The following TRAM1 variants were observed in gnomAD, a reference collection of about 807,000 sequenced individuals.
TRAM1 encodes the protein translocating chain-associated membrane protein 1.
In TRAM1, 17 loss-of-function variants were observed where a neutral mutation model predicts 48.7. The observed-to-expected ratio is 0.35, with a 90% CI of 0.24 to 0.52. TRAM1 has a LOEUF of 0.52. Among genes scored for constraint, TRAM1 ranks in the 20% least tolerant of loss-of-function variants. The probability of loss-of-function intolerance (pLI) is 0.94; values close to 1 mark genes in which losing one functional copy is unlikely to be tolerated. For synonymous variants in TRAM1, 182 were observed against 154.0 expected, an observed-to-expected ratio of 1.18 and a Z score of -1.34; for missense variants, 351 against 441.5, an observed-to-expected ratio of 0.79 and a Z score of 1.84.
At chr8:70,583,899 G>A (rs1817141384) in intron 8 of TRAM1, 106 bp from the exon 9 acceptor site, 1 of 1,310,226 alleles carries the variant, frequency 7.6e-7, no homozygotes, top group South Asian at 1.7e-5. Context: ...TGTAATCCCA[G>A]CTACTTGGGA....
rs1195792863 is a variant in TRAM1, at chr8:70,574,285, T to A, written c.*647A>T. On this transcript the variant is annotated 3_prime_UTR_variant, in exon 11 of 11. Transcript: ENST00000262213. ...TTTACTTCACAAGTACTTTTAAGAA[T>A]ATACTTTGATTTAATATGTATGTTA... The A allele has an allele frequency of 1.5e-5, 6 of 398,500 alleles. No individual in the cohort carries two copies. Among genetic ancestry groups the A allele is most frequent in the Non-Finnish European group, 2.9e-5 (6 of 208,084 alleles). 24.7% of individuals were successfully genotyped at this position (398,500 alleles called of 1,614,324 possible). A position where few individuals can be genotyped will look rare whatever the true frequency, so the allele number is the denominator to read the frequency against.
chr8:70,585,281 T>C (rs1817185366), intron 8 of TRAM1, among the ~76,000 whole-genome samples: 1 of 152,064 alleles, frequency 6.6e-6, no homozygotes, highest in South Asian at 2.1e-4. Flanking sequence ...TAATTCAAGA[T>C]GGATTAAAGA....
chr8:70,586,795 T>C (rs1817231193), intron 8 of TRAM1, 100 bp downstream of exon 8: 6 of 1,007,328 alleles, frequency 6.0e-6, no homozygotes, highest in Non-Finnish European at 8.9e-6. Context: ...ACTGATCGCT[T>C]AAAAAGTTAA....
At chr8:70,581,234 A>T (rs947770715) in intron 10 of TRAM1, among the ~76,000 whole-genome samples, 5 of 152,340 alleles carry the variant, frequency 3.3e-5, no homozygotes, top group Middle Eastern at 3.4e-3. Context: ...ATAAAAACTC[A>T]TATGGAAATG....
chr8:70,584,775 A>G (rs1308653023), intron 8 of TRAM1, among the ~76,000 whole-genome samples: 1 of 152,116 alleles, frequency 6.6e-6, no homozygotes, highest in Non-Finnish European at 1.5e-5. Context: ...CAATGAAATA[A>G]AAGAGGATAC....
At chr8:70,602,618 A>C (rs748198274) in intron 1 of TRAM1, among the ~76,000 whole-genome samples, 28 of 152,268 alleles carry the variant, frequency 1.8e-4, no homozygotes, top group Non-Finnish European at 3.4e-4. Context: ...CATATTAAGC[A>C]TAATGGGGAC....
intron 6 of TRAM1, among the ~76,000 whole-genome samples, chr8:70,588,922 C>G (rs533735653): frequency 2.6e-5 from 4 of 152,332 alleles, no homozygotes; most frequent in African/African-American, 9.6e-5. Context: ...TGGGTTGCTG[C>G]TGGCAGGCTG....
intron 4 of TRAM1, among the ~76,000 whole-genome samples, chr8:70,597,536 G>A (rs1387734528): frequency 1.3e-5 from 2 of 151,764 alleles, no homozygotes; most frequent in Non-Finnish European, 1.5e-5. Flanking sequence ...TGGGCGTGGT[G>A]GCGTGCGTCT....
intron 1 of TRAM1, 53 bp downstream of exon 1, chr8:70,608,024 G>T: frequency 6.6e-7 from 1 of 1,518,512 alleles, no homozygotes; most frequent in Non-Finnish European, 8.8e-7. Flanking sequence ...TCTGGAGCCC[G>T]GGCCCGGGCT....
Position 70,574,299 on chromosome 8 carries a change from A to C in TRAM1, c.*633T>G, listed in dbSNP as rs1305229211. 1 of 389,698 alleles carries C rather than the reference A, an allele frequency of 2.6e-6. No homozygotes were observed. Among genetic ancestry groups the C allele is most frequent in the African/African-American group, 2.2e-5 (1 of 45,598 alleles). 24.1% of individuals were successfully genotyped at this position (389,698 alleles called of 1,614,324 possible). On this transcript the variant is annotated 3_prime_UTR_variant, in exon 11 of 11. Transcript: ENST00000262213. Reference sequence around the variant, plus strand: ...ACTTTTAAGAATATACTTTGATTTAATATGTATGTTAGTAAAACTCCACGT... The same window carrying C: ...ACTTTTAAGAATATACTTTGATTTACTATGTATGTTAGTAAAACTCCACGT...
At position 70,583,199 on chromosome 8, in the gene TRAM1, G is replaced by A. The variant is rs1817118903; in HGVS notation, c.1016C>T (p.Thr339Ile). 3 of 1,613,794 alleles carry A rather than the reference G, an allele frequency of 1.9e-6. No individual in the cohort carries two copies. Among genetic ancestry groups the A allele is most frequent in the African/African-American group, 1.3e-5 (1 of 74,902 alleles). The change falls in exon 10 of 11, where the codon ACA (threonine) becomes ATA (isoleucine). Residue 339 changes from threonine to isoleucine, a missense_variant. Physicochemically the swap from Thr to Ile is moderately conservative, Grantham distance 89. Coordinates refer to ENST00000262213, the MANE Select transcript of TRAM1 (RefSeq NM_014294.6). ...TTTAGAAGATCTGCCTTTAGTTACT[G>A]TTGGTTTCTTCTTCACAGCTGGTGC... ...FQAPAVKKKPTVTKGRSSKKG... is the reference protein window; with the variant it reads ...FQAPAVKKKPIVTKGRSSKKG...
chr8:70,583,821 TC>T (rs1307542772), intron 8 of TRAM1, 28 bp from the exon 9 acceptor site: 1 of 1,520,076 alleles, frequency 6.6e-7, no homozygotes, highest in Admixed American at 2.4e-5. Context: ...TAAGTCAAAT[TC>T]CTGAAATCTC....
intron 8 of TRAM1, among the ~76,000 whole-genome samples, chr8:70,584,580 CAA>C (rs1360527567): frequency 2.6e-5 from 4 of 152,202 alleles, no homozygotes; most frequent in Non-Finnish European, 4.4e-5. Context: ...GCAACTTCAG[CAA>C]AGTCTCAGGA....
At chr8:70,596,979 C>T (rs1041273494) in intron 4 of TRAM1, among the ~76,000 whole-genome samples, 1 of 151,700 alleles carries the variant, frequency 6.6e-6, no homozygotes, top group Admixed American at 6.6e-5. Flanking sequence ...ATTAAAGCAG[C>T]ACAGTAAAAT....
chr8:70,587,258 G>A, intron 6 of TRAM1, 82 bp from the exon 7 acceptor site: 1 of 1,400,482 alleles, frequency 7.1e-7, no homozygotes, highest in Non-Finnish European at 9.8e-7. Context: ...TTGCTATGTT[G>A]CCCAGGTTGG....
Position 70,608,371 on chromosome 8 carries a change from G to C in TRAM1, c.-172C>G. ...AGTACGCAGCCGCCGGGCCGCCCGG[G>C]GGAAAAAAAAAAACACAACAGCTAG... On this transcript the variant is annotated 5_prime_UTR_variant, in exon 1 of 11. Coordinates refer to ENST00000262213, the MANE Select transcript of TRAM1 (RefSeq NM_014294.6). 1.7e-6 allele frequency: 1 copy of C among 581,214 alleles called. No homozygotes were observed. The highest frequency in any genetic ancestry group is 2.4e-6 in the Non-Finnish European group (1 of 421,416). The allele number at this position is 581,214 out of a possible 1,614,324, so 36.0% of individuals were successfully genotyped here.
At chr8:70,582,413 G>T (rs772231693) in intron 10 of TRAM1, among the ~76,000 whole-genome samples, 3 of 149,434 alleles carry the variant, frequency 2.0e-5, no homozygotes, top group Non-Finnish European at 4.4e-5. Flanking sequence ...TCCTGCCTCA[G>T]CCTCCTGAAT....
chr8:70,606,922 T>A (rs1352607599), intron 1 of TRAM1: 1 of 984,542 alleles, frequency 1.0e-6, no homozygotes, highest in Non-Finnish European at 1.2e-6. Flanking sequence ...TCTCAAGGAT[T>A]CTTAACGTCG....
chr8:70,578,821 T>C lies in TRAM1; in HGVS notation c.1052-3816A>G, dbSNP rs574773282. Among the ~76,000 whole-genome samples, 4 of 152,318 alleles carry C rather than the reference T, an allele frequency of 2.6e-5. No individual in the cohort carries two copies. The South Asian group carries it at 8.3e-4, about 32-fold the overall frequency. ...TAATACAGGCTGATCTATTATTACATGAACAAAGATGCAAAAATCCTAATG... is the reference window on the plus strand; with the variant it reads ...TAATACAGGCTGATCTATTATTACACGAACAAAGATGCAAAAATCCTAATG... On this transcript the variant is annotated intron_variant, in intron 10 of 10. Transcript: ENST00000262213.
Sources: gnomAD v4.1 joint callset for allele counts (sites outside exome capture counted in the v4.1 genomes callset) on GRCh38, gnomAD v4.1.1 for gene constraint, MANE v1.5 for transcripts, NCBI Gene and HGNC (gene_info 2026-07-23, HGNC 2026-07-21) for gene names.